Variants in ATP10A observed in about 807,000 individuals in gnomAD.
ATP10A encodes phospholipid-transporting ATPase VA.
A neutral mutation model predicts 147.8 loss-of-function variants in ATP10A; 111 were observed. The observed-to-expected ratio is 0.75, with a 90% CI of 0.64 to 0.88. The LOEUF (loss-of-function observed/expected upper bound fraction) is 0.88, where lower values mean the gene tolerates loss of function less well. Ranked by LOEUF, ATP10A falls within the 40% of genes least tolerant of loss-of-function variation. The probability of loss-of-function intolerance (pLI) is 0.00; values close to 1 mark genes in which losing one functional copy is unlikely to be tolerated. For synonymous variants in ATP10A, 875 were observed against 841.6 expected (o/e 1.04, Z -0.69); for missense variants, 1,927 against 1,959.0 (o/e 0.98, Z 0.31).
rs763453867 is a variant in ATP10A, at chr15:25,736,053, C to G, written c.740+3G>C. ...TGCGCGCAGGCAGACACACGATACTCACATGCAGCCGCGAAACCTACTCAG... is the reference window on the plus strand; with the variant it reads ...TGCGCGCAGGCAGACACACGATACTGACATGCAGCCGCGAAACCTACTCAG... On this transcript the variant is annotated splice_donor_region_variant and intron_variant, in intron 3 of 20. Coordinates refer to ENST00000555815, the MANE Select transcript of ATP10A (RefSeq NM_024490.4). The G allele has an allele frequency of 6.2e-7, 1 of 1,611,608 alleles. No individual in the cohort carries two copies. The highest frequency in any genetic ancestry group is 8.5e-7 in the Non-Finnish European group (1 of 1,177,932).
chr15:25,834,246 A>G (rs1045854481), intron 1 of ATP10A, among the ~76,000 whole-genome samples: 2 of 152,236 alleles, frequency 1.3e-5, no homozygotes, highest in Non-Finnish European at 2.9e-5. Context: ...AGAATGGGGA[A>G]AAGTTTTTGC....
chr15:25,675,523 A>T (rs1430536997), downstream of ATP10A, among the ~76,000 whole-genome samples: 1 of 152,060 alleles, frequency 6.6e-6, no homozygotes, highest in Non-Finnish European at 1.5e-5. Flanking sequence ...AACAGCAGCC[A>T]CACCACTGAG....
intron 2 of ATP10A, among the ~76,000 whole-genome samples, chr15:25,778,176 A>T (rs146794557): frequency 6.6e-6 from 1 of 152,130 alleles, no homozygotes; most frequent in African/African-American, 2.4e-5. Context: ...AATTTAAGTG[A>T]TTTGCAAAGG....
chr15:25,825,138 G>A (rs1212206655), intron 1 of ATP10A, among the ~76,000 whole-genome samples: 1 of 152,190 alleles, frequency 6.6e-6, no homozygotes, highest in African/African-American at 2.4e-5. Flanking sequence ...CTTTTCCCTG[G>A]AAAATCCCAT....
intron 14 of ATP10A, among the ~76,000 whole-genome samples, chr15:25,693,754 T>G (rs1900160228): frequency 6.6e-6 from 1 of 152,160 alleles, no homozygotes; most frequent in Non-Finnish European, 1.5e-5. Flanking sequence ...GTTACTGGCC[T>G]CAGGGTGTGT....
In ATP10A at chr15:25,863,177, C is replaced by T. The variant is rs1893853880; in HGVS notation, c.-81G>A. The T allele has an allele frequency of 2.0e-6, 2 of 984,632 alleles. No homozygotes were observed. Among genetic ancestry groups the T allele is most frequent in the Non-Finnish European group, 1.2e-6 (1 of 806,996 alleles). The allele number at this position is 984,632 out of a possible 1,614,324, so 61.0% of individuals were successfully genotyped here. ...TCTTAGGTTATCATCACTCGCGGCC[C>T]GGGCGCGGCGGTGCGAGCTCCCCGC... is the stretch of plus-strand genomic sequence containing the variant. On this transcript the variant is annotated 5_prime_UTR_variant, in exon 1 of 21. Transcript: ENST00000555815.
intron 10 of ATP10A, among the ~76,000 whole-genome samples, chr15:25,711,049 T>C (rs908769943): frequency 2.0e-5 from 3 of 151,994 alleles, no homozygotes; most frequent in African/African-American, 7.3e-5. Flanking sequence ...TCCAGGGTCA[T>C]CCCAGCCGTA....
intron 2 of ATP10A, among the ~76,000 whole-genome samples, chr15:25,738,153 C>G (rs1887390961): frequency 6.6e-6 from 1 of 152,184 alleles, no homozygotes; most frequent in African/African-American, 2.4e-5. Context: ...ACAACACTCC[C>G]CATTTAGGAA....
chr15:25,829,093 C>T (rs964022615), intron 1 of ATP10A, among the ~76,000 whole-genome samples: 16 of 152,138 alleles, frequency 1.1e-4, no homozygotes, highest in African/African-American at 2.9e-4. Flanking sequence ...GGCGGAAAGT[C>T]GATGCAAATT....
chr15:25,759,848 G>A (rs1888658149), intron 2 of ATP10A, among the ~76,000 whole-genome samples: 1 of 151,726 alleles, frequency 6.6e-6, no homozygotes, highest in South Asian at 2.1e-4. Context: ...CTTTTAGGTA[G>A]CTGGCCTAGG....
intron 1 of ATP10A, among the ~76,000 whole-genome samples, chr15:25,813,693 T>A (rs1417030735): frequency 6.6e-6 from 1 of 152,130 alleles, no homozygotes; most frequent in Non-Finnish European, 1.5e-5. Context: ...AAAAATAAAA[T>A]TTTTTAAGAT....
intron 1 of ATP10A, among the ~76,000 whole-genome samples, chr15:25,851,808 C>T (rs146086939): frequency 5.9e-5 from 9 of 152,230 alleles, no homozygotes; most frequent in African/African-American, 1.9e-4. Flanking sequence ...AGGCCAGGTG[C>T]GGTCTCAGTA....
chr15:25,777,449 C>T (rs1889670197), intron 2 of ATP10A, among the ~76,000 whole-genome samples: 2 of 152,092 alleles, frequency 1.3e-5, no homozygotes, highest in Non-Finnish European at 2.9e-5. Flanking sequence ...TAGCAAGTTC[C>T]ACCAGTACAG....
intron 2 of ATP10A, among the ~76,000 whole-genome samples, chr15:25,767,635 T>C (rs985328840): frequency 2.0e-5 from 3 of 152,170 alleles, no homozygotes; most frequent in Non-Finnish European, 2.9e-5. Flanking sequence ...CCACCCCACA[T>C]GAGGGGAGTC....
intron 1 of ATP10A, among the ~76,000 whole-genome samples, chr15:25,849,846 A>C (rs564542205): frequency 8.0e-6 from 1 of 124,720 alleles, no homozygotes; most frequent in South Asian, 2.2e-4. Flanking sequence ...TTTTCTTTCC[A>C]AAAAAAAAAA....
At chr15:25,771,017 T>C (rs561797890) in intron 2 of ATP10A, among the ~76,000 whole-genome samples, 4 of 152,234 alleles carry the variant, frequency 2.6e-5, no homozygotes, top group Admixed American at 6.5e-5. Context: ...GGGTGTTAAG[T>C]GAAAATGCTG....
chr15:25,774,587 A>G (rs866428609), intron 2 of ATP10A, among the ~76,000 whole-genome samples: 35 of 152,014 alleles, frequency 2.3e-4, no homozygotes, highest in African/African-American at 7.2e-4. Flanking sequence ...AAAAAGAAAA[A>G]AAAAAAAAAA....
At chr15:25,711,337 G>A (rs780525123) in intron 10 of ATP10A, among the ~76,000 whole-genome samples, 5 of 152,088 alleles carry the variant, frequency 3.3e-5, no homozygotes, top group Admixed American at 1.3e-4. Flanking sequence ...GATTTACACA[G>A]GCAGAGCGAT....
At chr15:25,790,616 C>G (rs1890369119) in intron 1 of ATP10A, among the ~76,000 whole-genome samples, 1 of 152,226 alleles carries the variant, frequency 6.6e-6, no homozygotes, top group Non-Finnish European at 1.5e-5. Flanking sequence ...ACTGAACACC[C>G]AGATTAAATC....
Sources: gnomAD v4.1 joint callset for allele counts (sites outside exome capture counted in the v4.1 genomes callset) on GRCh38, gnomAD v4.1.1 for gene constraint, MANE v1.5 for transcripts, NCBI Gene and HGNC (gene_info 2026-07-23, HGNC 2026-07-21) for gene names.